Variants in ATP2A1 observed in about 807,000 individuals in gnomAD.
The protein encoded by ATP2A1 is ATPase sarcoplasmic/endoplasmic reticulum Ca2+ transporting 1.
In ATP2A1, 83 loss-of-function variants were observed where a neutral mutation model predicts 109.5. The observed-to-expected ratio is 0.76, with a 90% confidence interval of 0.63 to 0.91. The LOEUF is 0.91. Among genes scored for constraint, ATP2A1 ranks in the 40% least tolerant of loss-of-function variants. The pLI, the probability that ATP2A1 is intolerant of heterozygous loss-of-function variation, is 0.00. For missense variants in ATP2A1, 1,101 were observed against 1,341.0 expected (o/e 0.82, Z 2.80); for synonymous variants, 505 against 537.6 (o/e 0.94, Z 0.84).
chr16:28,880,255 G>A lies in ATP2A1; in HGVS notation c.220-660G>A, dbSNP rs927035462. ...ATCCCGCGGTCCATCTGCATGTCGC[G>A]GGTTCTTCCGCAGCATGTGAGCCTC... On this transcript the variant is annotated intron_variant, in intron 3 of 22. Coordinates refer to ENST00000395503, the MANE Select transcript of ATP2A1 (RefSeq NM_004320.6). This position sits in a 1 kb window ranked among gnomAD's most constrained non-coding sequence, Gnocchi z 4.2. Among the ~76,000 whole-genome samples the A allele has an allele frequency of 6.6e-6, 1 of 152,230 alleles. No homozygotes were observed. The highest frequency in any genetic ancestry group is 1.5e-5 in the Non-Finnish European group (1 of 68,044).
At chr16:28,890,895 A>C (rs1447087644) in intron 9 of ATP2A1, among the ~76,000 whole-genome samples, 2 of 151,840 alleles carry the variant, frequency 1.3e-5, no homozygotes, top group Non-Finnish European at 2.9e-5. Context: ...CATGTTGACC[A>C]GGCTGGTCTC....
chr16:28,879,354 C>A, intron 2 of ATP2A1, 147 bp from the exon 3 acceptor site: 1 of 894,322 alleles, frequency 1.1e-6, no homozygotes, highest in Admixed American at 2.0e-5. Flanking sequence ...GGACTCCAGG[C>A]GAGCTTCTTA....
At chr16:28,888,577 T>G (rs1189887167) in intron 8 of ATP2A1, among the ~76,000 whole-genome samples, 2 of 150,930 alleles carry the variant, frequency 1.3e-5, no homozygotes, top group African/African-American at 4.9e-5. Flanking sequence ...CCCAGCTAAT[T>G]TTTAAATATT....
At position 28,887,583 on chromosome 16, in the gene ATP2A1, C is replaced by T; in HGVS notation, c.789C>T (p.Val263=). ...AGTTTGGGGAGCAGCTCTCCAAGGT[C>T]ATCTCCCTCATCTGTGTGGCTGTCT... is the stretch of plus-strand genomic sequence containing the variant. ...LDEFGEQLSK[V]ISLICVAVWL... is the part of the protein sequence containing the mutation. Residue 263 remains valine (V), a synonymous_variant, in exon 8 of 23, where the codon GTC becomes GTT. Coordinates refer to ENST00000395503, the MANE Select transcript of ATP2A1 (RefSeq NM_004320.6). The T allele has an allele frequency of 6.2e-7, 1 of 1,614,042 alleles. No individual in the cohort carries two copies. Among genetic ancestry groups the T allele is most frequent in the East Asian group, 2.2e-5 (1 of 44,852 alleles).
rs561266293 is a variant in ATP2A1 at position 28,902,432 on chromosome 16, C to G, written c.2524+46C>G. On this transcript the variant is annotated intron_variant, in intron 17 of 22. Coordinates refer to ENST00000395503, the MANE Select transcript of ATP2A1 (RefSeq NM_004320.6). The surrounding 1 kb of genome is among the most constrained non-coding windows in gnomAD (Gnocchi z 4.8). ...GATCCTCCCCACCCCTTGGGACTAACCCCCTCTCTGGGACACCAGCTCCCC... is the reference window on the plus strand; with the variant it reads ...GATCCTCCCCACCCCTTGGGACTAAGCCCCTCTCTGGGACACCAGCTCCCC... The G allele has an allele frequency of 6.2e-7, 1 of 1,602,724 alleles. No homozygotes were observed. The highest frequency in any genetic ancestry group is 1.3e-5 in the African/African-American group (1 of 74,650).
intron 9 of ATP2A1, among the ~76,000 whole-genome samples, chr16:28,889,750 G>A (rs150443347): frequency 6.6e-6 from 1 of 152,308 alleles, no homozygotes; most frequent in East Asian, 1.9e-4. Flanking sequence ...AACACTGACC[G>A]TGAACAGCAT....
At position 28,880,208 on chromosome 16, in the gene ATP2A1, C is replaced by T. The variant is rs1044625830; in HGVS notation, c.219+625C>T. The T allele has an allele frequency of 7.0e-6, 6 of 859,972 alleles. No individual in the cohort carries two copies. The highest frequency in any genetic ancestry group is 5.9e-4 in the Middle Eastern group (1 of 1,704). 53.3% of individuals were successfully genotyped at this position (859,972 alleles called of 1,614,324 possible). On this transcript the variant is annotated intron_variant, in intron 3 of 22. Coordinates refer to ENST00000395503, the MANE Select transcript of ATP2A1 (RefSeq NM_004320.6). The surrounding 1 kb of genome is among the most constrained non-coding windows in gnomAD (Gnocchi z 4.2). Reference sequence around the variant, plus strand: ...GCATCTCCAGGGCTCTGCCTCCTCTCCCGCCCTGGGGGCTACTCCCCATCC... The same window carrying T: ...GCATCTCCAGGGCTCTGCCTCCTCTTCCGCCCTGGGGGCTACTCCCCATCC...
In ATP2A1 at chr16:28,900,796, C is replaced by T. The variant is rs1964052141; in HGVS notation, c.1980C>T (p.Asp660=). Residue 660 remains aspartate, a synonymous_variant, in exon 15 of 23, where the codon GAC becomes GAT. Transcript: ENST00000395503. The part of the protein sequence containing the change: ...DRAYTGREFD[D]LPLAEQREAC... ...CCTACACGGGCCGAGAGTTCGACGA[C>T]CTGCCCCTGGCTGAACAGCGGGAAG... is the stretch of plus-strand genomic sequence containing the variant. 1 of 1,614,240 alleles carries T rather than the reference C, an allele frequency of 6.2e-7. No individual in the cohort carries two copies. The highest frequency in any genetic ancestry group is 8.5e-7 in the Non-Finnish European group (1 of 1,180,056).
At chr16:28,888,052 T>C (rs570385530) in intron 8 of ATP2A1, among the ~76,000 whole-genome samples, 37 of 151,744 alleles carry the variant, frequency 2.4e-4, no homozygotes, top group South Asian at 1.9e-3. Context: ...CTGCCCGCCT[T>C]GGCCTCCCAA....
intron 4 of ATP2A1, 115 bp from the exon 5 acceptor site, chr16:28,882,336 A>C: frequency 1.3e-6 from 2 of 1,500,042 alleles, no homozygotes; most frequent in Non-Finnish European, 1.8e-6. Flanking sequence ...AGTTTCCTCA[A>C]CATACACACA....
chr16:28,884,085 C>G (rs948570599), intron 5 of ATP2A1, among the ~76,000 whole-genome samples: 3 of 152,058 alleles, frequency 2.0e-5, no homozygotes, highest in African/African-American at 7.2e-5. Context: ...ATTCTCTCAC[C>G]CCGACACCCC....
At chr16:28,897,162 C>G (rs1196556426) in intron 12 of ATP2A1, among the ~76,000 whole-genome samples, 2 of 152,026 alleles carry the variant, frequency 1.3e-5, no homozygotes, top group Non-Finnish European at 2.9e-5. Context: ...TCAGTTGCAC[C>G]AATTGTACAG....
Position 28,901,904 on chromosome 16 carries a change from T to C in ATP2A1, c.2142T>C (p.Ala714=), listed in dbSNP as rs757653709. The change falls in exon 16 of 23, where the codon GCT becomes GCC. Residue 714 remains alanine, a synonymous_variant. Transcript: ENST00000395503. ...GVNDAPALKK[A]EIGIAMGSGT... ...ATGACGCCCCTGCCCTGAAGAAGGC[T>C]GAGATTGGCATTGCCATGGGATCTG... 1 of 1,613,972 alleles carries C rather than the reference T, an allele frequency of 6.2e-7. No homozygotes were observed. The highest frequency in any genetic ancestry group is 8.5e-7 in the Non-Finnish European group (1 of 1,179,828).
At position 28,902,845 on chromosome 16, in the gene ATP2A1, C is replaced by T. The variant is rs1237226867; in HGVS notation, c.2678C>T (p.Ala893Val). ...GGCATAGACTGTGAGGTCTTCGAGGCCCCCGAGCCCATGACCATGGCCCTG... is the reference window on the plus strand; with the variant it reads ...GGCATAGACTGTGAGGTCTTCGAGGTCCCCGAGCCCATGACCATGGCCCTG... ...FEGIDCEVFE[A>V]PEPMTMALSV... Residue 893 changes from alanine (A) to valine (V), a missense_variant, in exon 19 of 23, where the codon GCC (alanine) becomes GTC (valine). Physicochemically the swap from Ala to Val is moderately conservative, Grantham distance 64. Transcript: ENST00000395503. The surrounding 1 kb of genome is among the most constrained non-coding windows in gnomAD (Gnocchi z 4.8). 8 of 1,613,842 alleles carry T rather than the reference C, an allele frequency of 5.0e-6. No individual in the cohort carries two copies. Among genetic ancestry groups the T allele is most frequent in the Non-Finnish European group, 6.8e-6 (8 of 1,179,952 alleles).
intron 22 of ATP2A1, 53 bp from the exon 23 acceptor site, chr16:28,904,127 G>A: frequency 1.3e-6 from 2 of 1,514,142 alleles, no homozygotes; most frequent in Non-Finnish European, 1.8e-6. Flanking sequence ...CACCTGGGAG[G>A]GACCTCGCTG....
intron 9 of ATP2A1, among the ~76,000 whole-genome samples, chr16:28,893,389 G>A (rs1481508586): frequency 2.8e-5 from 4 of 144,530 alleles, no homozygotes; most frequent in African/African-American, 5.2e-5. Context: ...CTGGGCAACA[G>A]AGCAAGAACC....
chr16:28,879,907 G>T (rs1221399220), intron 3 of ATP2A1: 4 of 792,590 alleles, frequency 5.0e-6, no homozygotes, highest in Non-Finnish European at 6.4e-6. Context: ...TGCCGGCTGC[G>T]GCGCGGGGGG....
At chr16:28,900,991 C>T in intron 15 of ATP2A1, 75 bp downstream of exon 15, 5 of 1,578,334 alleles carry the variant, frequency 3.2e-6, no homozygotes, top group Non-Finnish European at 3.5e-6. Flanking sequence ...AGAGTGGGGC[C>T]CAGGGCCAGA....
At chr16:28,904,089 C>A in intron 22 of ATP2A1, 91 bp from the exon 23 acceptor site, 1 of 1,216,048 alleles carries the variant, frequency 8.2e-7, no homozygotes, top group Non-Finnish European at 1.2e-6. Flanking sequence ...GCTTCTGAGC[C>A]TCCAGGTAAG....
Sources: allele counts gnomAD v4.1 joint callset (sites outside exome capture counted in the v4.1 genomes callset), GRCh38; gene constraint gnomAD v4.1.1; non-coding constraint Gnocchi (gnomAD v3.1); transcripts MANE v1.5; gene names NCBI Gene and HGNC (gene_info 2026-07-23, HGNC 2026-07-21).